Variants in PLXDC1 observed in about 807,000 individuals in gnomAD.
PLXDC1 encodes plexin domain containing 1.
Under a neutral mutation model 61.3 loss-of-function variants are expected in PLXDC1, and 39 were observed. The observed-to-expected ratio is 0.64, with a 90% CI of 0.49 to 0.83. The LOEUF is 0.83. PLXDC1 is among the 40% of genes least tolerant of loss of function. PLXDC1 has a pLI of 0.00. For missense variants in PLXDC1, 596 were observed against 666.5 expected (o/e 0.89, Z 1.17); for synonymous variants, 212 against 254.5 (o/e 0.83, Z 1.59).
rs140743106 is a variant in PLXDC1 at position 39,108,674 on chromosome 17, G to A, written c.469+230C>T. The A allele has an allele frequency of 2.0e-4, 113 of 574,188 alleles. 1 individual carries two copies. The highest frequency in any genetic ancestry group is 1.8e-3 in the East Asian group (60 of 33,954). 35.6% of individuals were successfully genotyped at this position (574,188 alleles called of 1,614,324 possible). ...CACAGGGCTGTCCACACTGACTCGT[G>A]CTGGCCCGAGGAGACACACACGTGC... On this transcript the variant is annotated intron_variant, in intron 4 of 13. Transcript: ENST00000315392.
chr17:39,089,816 G>A (rs558971759), intron 7 of PLXDC1, among the ~76,000 whole-genome samples: 1 of 152,084 alleles, frequency 6.6e-6, no homozygotes, highest in South Asian at 2.1e-4. Flanking sequence ...TTTACTTATT[G>A]AGACTGAGTC....
At chr17:39,122,024 G>A (rs926562255) in intron 2 of PLXDC1, among the ~76,000 whole-genome samples, 1 of 149,344 alleles carries the variant, frequency 6.7e-6, no homozygotes, top group Non-Finnish European at 1.5e-5. Context: ...TTGAACCCAG[G>A]AGGTGGAGGT....
rs778761939 is a variant in PLXDC1, at chr17:39,069,844, G to A, written c.1383+12C>T. ...AGCAGACAGGAGCCCTGTGGCCACAGATGACACGGACCTCGATGAAGAAGA... is the reference window on the plus strand; with the variant it reads ...AGCAGACAGGAGCCCTGTGGCCACAAATGACACGGACCTCGATGAAGAAGA... On this transcript the variant is annotated intron_variant, in intron 13 of 13. Coordinates refer to ENST00000315392, the MANE Select transcript of PLXDC1 (RefSeq NM_020405.5). 1 of 1,611,076 alleles carries A rather than the reference G, an allele frequency of 6.2e-7. No individual in the cohort carries two copies. Among genetic ancestry groups the A allele is most frequent in the Admixed American group, 1.7e-5 (1 of 60,002 alleles).
At chr17:39,077,855 G>T in intron 11 of PLXDC1, 58 bp downstream of exon 11, 1 of 1,589,252 alleles carries the variant, frequency 6.3e-7, no homozygotes, top group Non-Finnish European at 8.6e-7. Context: ...GCCCCAGAGG[G>T]GTGGGTAGCT....
Position 39,124,292 on chromosome 17 carries a change from G to A in PLXDC1, c.256-14901C>T, listed in dbSNP as rs73302867. 2.6e-3 allele frequency among the ~76,000 whole-genome samples: 391 copies of A among 152,340 alleles called. 1 individual carries two copies. The highest frequency in any genetic ancestry group is 9.1e-3 in the African/African-American group (379 of 41,584). On this transcript the variant is annotated intron_variant, in intron 2 of 13. Coordinates refer to ENST00000315392, the MANE Select transcript of PLXDC1 (RefSeq NM_020405.5). ...ACTCATTTTTGTCCCTGAAGAGACGGTGGGTAAGAGCTCAGACTGCCTGGG... is the reference window on the plus strand; with the variant it reads ...ACTCATTTTTGTCCCTGAAGAGACGATGGGTAAGAGCTCAGACTGCCTGGG...
chr17:39,107,561 A>T (rs1343721567), intron 5 of PLXDC1, 36 bp from the exon 6 acceptor site: 1 of 1,463,176 alleles, frequency 6.8e-7, no homozygotes, highest in Non-Finnish European at 9.6e-7. Context: ...TGGACGGGAG[A>T]TCATGCAAGG....
At chr17:39,071,110 G>A (rs745696635) in intron 12 of PLXDC1, among the ~76,000 whole-genome samples, 2 of 152,168 alleles carry the variant, frequency 1.3e-5, no homozygotes, top group African/African-American at 2.4e-5. Context: ...CTTGAAATAC[G>A]TCCCGGGGGA....
At chr17:39,147,113 G>C (rs1048645803) in intron 1 of PLXDC1, among the ~76,000 whole-genome samples, 2 of 151,670 alleles carry the variant, frequency 1.3e-5, no homozygotes, top group Non-Finnish European at 2.9e-5. Context: ...GTACCACCAC[G>C]CCCAGCTAAT....
chr17:39,139,303 G>A lies in PLXDC1; in HGVS notation c.255+351C>T, dbSNP rs116873266. Among the ~76,000 whole-genome samples the A allele has an allele frequency of 5.9e-4, 90 of 152,296 alleles. 1 individual carries two copies. In the East Asian group the frequency reaches 0.014, roughly 24 times the overall value. On this transcript the variant is annotated intron_variant, in intron 2 of 13. Coordinates refer to ENST00000315392, the MANE Select transcript of PLXDC1 (RefSeq NM_020405.5). Reference sequence around the variant, plus strand: ...ATGGGGTGGGGAAGGGCCCCATCTGGCAGCTGAGATGTGACTCATAAGGCC... The same window carrying A: ...ATGGGGTGGGGAAGGGCCCCATCTGACAGCTGAGATGTGACTCATAAGGCC...
chr17:39,071,968 A>C (rs62076604), intron 12 of PLXDC1: 5,597 of 168,310 alleles, frequency 0.033, 88 homozygotes, highest in Non-Finnish European at 0.039. Flanking sequence ...AGGTAATCCT[A>C]GGAGGCTGCA....
chr17:39,119,611 T>C (rs1336195093), intron 2 of PLXDC1, among the ~76,000 whole-genome samples: 3 of 151,912 alleles, frequency 2.0e-5, no homozygotes, highest in African/African-American at 7.3e-5. Context: ...CCAGGGGTGA[T>C]GGCGTGCTCC....
intron 7 of PLXDC1, among the ~76,000 whole-genome samples, chr17:39,089,791 G>A (rs1909878980): frequency 6.6e-6 from 1 of 152,048 alleles, no homozygotes; most frequent in Non-Finnish European, 1.5e-5. Context: ...GGTTCACATA[G>A]TATCTCATTA....
At chr17:39,115,980 T>C (rs1910952598) in intron 2 of PLXDC1, among the ~76,000 whole-genome samples, 1 of 152,112 alleles carries the variant, frequency 6.6e-6, no homozygotes, top group South Asian at 2.1e-4. Flanking sequence ...CTGGGTGTGG[T>C]GGCGCATGCC....
At chr17:39,092,474 G>A (rs539315757) in intron 7 of PLXDC1, among the ~76,000 whole-genome samples, 3 of 152,378 alleles carry the variant, frequency 2.0e-5, no homozygotes, top group African/African-American at 7.2e-5. Flanking sequence ...CAGCACATTT[G>A]TTGACTCCTT....
intron 2 of PLXDC1, among the ~76,000 whole-genome samples, chr17:39,119,543 G>A (rs573825114): frequency 2.1e-4 from 32 of 152,162 alleles, no homozygotes; most frequent in African/African-American, 7.2e-4. Context: ...TCACGAGTTC[G>A]AGACCAGCCT....
intron 8 of PLXDC1, among the ~76,000 whole-genome samples, chr17:39,086,515 C>T (rs752758732): frequency 1.3e-5 from 2 of 152,060 alleles, no homozygotes; most frequent in African/African-American, 4.8e-5. Flanking sequence ...CACTGAAGAC[C>T]GGGCATGGTG....
chr17:39,114,706 CA>C (rs1910912211), intron 2 of PLXDC1, among the ~76,000 whole-genome samples: 1 of 152,154 alleles, frequency 6.6e-6, no homozygotes. Flanking sequence ...ATCATTTTAC[CA>C]AACAAAGCAG....
chr17:39,127,305 A>ATT (rs1911340010), intron 2 of PLXDC1, among the ~76,000 whole-genome samples: 1 of 152,092 alleles, frequency 6.6e-6, no homozygotes, highest in African/African-American at 2.4e-5. Flanking sequence ...AGAACTTAGG[A>ATT]ATTTCCAGGA....
In PLXDC1 at chr17:39,099,746, A is replaced by G. The variant is rs117147445; in HGVS notation, c.811+6108T>C. ...TTTGTGTCCTCATTTAGAAAGGGAC[A>G]AATGTACAAACTCACAATGTTTGGG... is the stretch of plus-strand genomic sequence containing the variant. On this transcript the variant is annotated intron_variant, in intron 7 of 13. Coordinates refer to ENST00000315392, the MANE Select transcript of PLXDC1 (RefSeq NM_020405.5). Among the ~76,000 whole-genome samples the G allele has an allele frequency of 2.0e-4, 31 of 152,300 alleles. No individual in the cohort carries two copies. In the East Asian group the frequency reaches 5.6e-3, roughly 28 times the overall value.
Sources: allele counts gnomAD v4.1 joint callset (sites outside exome capture counted in the v4.1 genomes callset), GRCh38; gene constraint gnomAD v4.1.1; transcripts MANE v1.5; gene names NCBI Gene and HGNC (gene_info 2026-07-23, HGNC 2026-07-21).